The following INTS8 variants were observed in gnomAD, a reference collection of about 807,000 sequenced individuals.
The protein encoded by INTS8 is integrator complex subunit 8.
INTS8 carries 47 observed loss-of-function variants against 138.9 expected under a neutral mutation model. The observed-to-expected ratio is 0.34, with a 90% CI of 0.27 to 0.43. INTS8 has a LOEUF of 0.43. Among genes scored for constraint, INTS8 ranks in the 20% least tolerant of loss-of-function variants. The pLI, the probability that INTS8 is intolerant of heterozygous loss-of-function variation, is 1.00. For missense variants in INTS8, 996 were observed against 1,173.0 expected (o/e 0.85, Z 2.20); for synonymous variants, 392 against 400.9 (o/e 0.98, Z 0.27).
intron 6 of INTS8, among the ~76,000 whole-genome samples, chr8:94,833,828 A>G (rs1047299615): frequency 6.6e-6 from 1 of 152,072 alleles, no homozygotes; most frequent in Admixed American, 6.6e-5. Flanking sequence ...CTAGAGTGCA[A>G]TGTCGTGATC....
intron 10 of INTS8, among the ~76,000 whole-genome samples, chr8:94,843,863 A>G (rs993627160): frequency 3.3e-5 from 5 of 152,178 alleles, no homozygotes; most frequent in African/African-American, 4.8e-5. Flanking sequence ...CATCCTTGTT[A>G]ACATTTGATA....
intron 20 of INTS8, among the ~76,000 whole-genome samples, chr8:94,870,057 ATT>A (rs1166794551): frequency 2.0e-5 from 3 of 147,368 alleles, no homozygotes. Context: ...TTATTTATTT[ATT>A]TTTTTTTTTT....
chr8:94,849,897 A>G lies in INTS8; in HGVS notation c.1332-19A>G, dbSNP rs768708741. The G allele has an allele frequency of 4.5e-6, 7 of 1,552,784 alleles. No homozygotes were observed. Among genetic ancestry groups the G allele is most frequent in the Non-Finnish European group, 5.2e-6 (6 of 1,150,376 alleles). On this transcript the variant is annotated intron_variant, in intron 11 of 26. Transcript: ENST00000523731. ...AAATTATACACTTTTTTGTTTTACAATATTTCTTACTGATCTAGGAATGTG... is the reference window on the plus strand; with the variant it reads ...AAATTATACACTTTTTTGTTTTACAGTATTTCTTACTGATCTAGGAATGTG...
rs538672061 is a variant in INTS8, at chr8:94,823,593, A to G, written c.130+32A>G. ...GCGGCGCCTGCACCTGGGGAGCGGGACCCGGCCACCGGCGCTGTCCGCCCA... is the reference window on the plus strand; with the variant it reads ...GCGGCGCCTGCACCTGGGGAGCGGGGCCCGGCCACCGGCGCTGTCCGCCCA... On this transcript the variant is annotated intron_variant, in intron 1 of 26. Coordinates refer to ENST00000523731, the MANE Select transcript of INTS8 (RefSeq NM_017864.4). 2.6e-5 allele frequency: 39 copies of G among 1,484,554 alleles called. 1 individual carries two copies. The East Asian group carries it at 8.1e-4, about 31-fold the overall frequency. 92.0% of individuals were successfully genotyped at this position (1,484,554 alleles called of 1,614,324 possible). A position where few individuals can be genotyped will look rare whatever the true frequency, so the allele number is the denominator to read the frequency against.
Position 94,851,544 on chromosome 8 carries a change from T to C in INTS8, c.1508-9T>C. ...GAATTAAATCATTGAAATATAAATCTTTTTTTAGCTTCAGCAAGTGTCAAC... is the reference window on the plus strand; with the variant it reads ...GAATTAAATCATTGAAATATAAATCCTTTTTTAGCTTCAGCAAGTGTCAAC... On this transcript the variant is annotated splice_polypyrimidine_tract_variant and intron_variant, in intron 12 of 26. Coordinates refer to ENST00000523731, the MANE Select transcript of INTS8 (RefSeq NM_017864.4). 2 of 1,539,878 alleles carry C rather than the reference T, an allele frequency of 1.3e-6. No individual in the cohort carries two copies. The highest frequency in any genetic ancestry group is 1.8e-6 in the Non-Finnish European group (2 of 1,142,090).
Position 94,828,966 on chromosome 8 carries a change from C to T in INTS8, c.519-9C>T. 6.3e-7 allele frequency: 1 copy of T among 1,577,768 alleles called. No homozygotes were observed. Among genetic ancestry groups the T allele is most frequent in the African/African-American group, 1.4e-5 (1 of 73,760 alleles). ...TTGATACTTTTGTTTTCAATTGTTT[C>T]TCTTTTAGTATGAATCAAATGCAAC... On this transcript the variant is annotated splice_polypyrimidine_tract_variant and intron_variant, in intron 4 of 26. Coordinates refer to ENST00000523731, the MANE Select transcript of INTS8 (RefSeq NM_017864.4).
At chr8:94,827,853 T>A (rs1363903560) in intron 4 of INTS8, 60 bp downstream of exon 4, 2 of 1,341,504 alleles carry the variant, frequency 1.5e-6, no homozygotes, top group Non-Finnish European at 2.1e-6. Flanking sequence ...TAAAAATGTT[T>A]GCAAGTTTTT....
At position 94,871,917 on chromosome 8, in the gene INTS8, C is replaced by G; in HGVS notation, c.2448C>G (p.Ile816Met). The G allele has an allele frequency of 1.9e-6, 3 of 1,606,452 alleles. No individual in the cohort carries two copies. Among genetic ancestry groups the G allele is most frequent in the Non-Finnish European group, 1.7e-6 (2 of 1,173,818 alleles). Residue 816 changes from isoleucine to methionine, a missense_variant, in exon 21 of 27, where the codon ATC (isoleucine) becomes ATG (methionine). Physicochemically the swap from Ile to Met is conservative, Grantham distance 10 (BLOSUM62 1). Transcript: ENST00000523731. Reference sequence around the variant, plus strand: ...CTGTGGACTTTGAAGCTGTGGCAATCACAGTGAAAGAGCTAGTTCGATATA... The same window carrying G: ...CTGTGGACTTTGAAGCTGTGGCAATGACAGTGAAAGAGCTAGTTCGATATA... ...LQSVDFEAVA[I>M]TVKELVRYTL...
intron 14 of INTS8, among the ~76,000 whole-genome samples, chr8:94,854,994 C>T (rs1381085590): frequency 1.3e-5 from 2 of 151,236 alleles, no homozygotes; most frequent in African/African-American, 4.9e-5. Context: ...AATCCTTCCA[C>T]ATCAGCCTCC....
At chr8:94,849,768 G>T in intron 11 of INTS8, 148 bp from the exon 12 acceptor site, 1 of 612,222 alleles carries the variant, frequency 1.6e-6, no homozygotes. Context: ...AGGACCAAAG[G>T]GAAATTTTAA....
intron 5 of INTS8, 103 bp from the exon 6 acceptor site, chr8:94,831,889 T>G (rs780829660): frequency 6.4e-5 from 54 of 843,580 alleles, no homozygotes; most frequent in Middle Eastern, 3.6e-4. Flanking sequence ...AAAAATTTTT[T>G]TAATAGCTTA....
intron 13 of INTS8, among the ~76,000 whole-genome samples, chr8:94,852,417 CAAATAA>C (rs1327624393): frequency 2.0e-5 from 3 of 151,990 alleles, no homozygotes; most frequent in Non-Finnish European, 4.4e-5. Flanking sequence ...ATAGAAAGTG[CAAATAA>C]AAATAGCTTT....
intron 3 of INTS8, 94 bp from the exon 4 acceptor site, chr8:94,827,628 C>T (rs112990773): frequency 1.2e-5 from 13 of 1,118,386 alleles, no homozygotes; most frequent in African/African-American, 1.1e-4. Flanking sequence ...ATTAATGCTT[C>T]ATATAATTTA....
intron 14 of INTS8, 127 bp from the exon 15 acceptor site, chr8:94,856,650 A>T: frequency 1.4e-6 from 1 of 717,312 alleles, no homozygotes. Context: ...ATCTAGCCTT[A>T]CTGCCTGAGA....
chr8:94,858,790 G>T (rs1472920059), intron 15 of INTS8, among the ~76,000 whole-genome samples: 1 of 152,198 alleles, frequency 6.6e-6, no homozygotes, highest in Admixed American at 6.5e-5. Context: ...ATGGGTGAAA[G>T]TTCCTTTAAA....
chr8:94,860,816 G>A (rs979407025), intron 16 of INTS8, among the ~76,000 whole-genome samples: 1 of 151,960 alleles, frequency 6.6e-6, no homozygotes, highest in Non-Finnish European at 1.5e-5. Context: ...AGCACTTTGG[G>A]AGGCCGAGAC....
intron 6 of INTS8, 53 bp from the exon 7 acceptor site, chr8:94,836,471 C>T: frequency 2.9e-6 from 4 of 1,395,434 alleles, no homozygotes; most frequent in African/African-American, 1.4e-5. Context: ...GTTCTGTCAC[C>T]TCTTAAGTAC....
intron 14 of INTS8, among the ~76,000 whole-genome samples, chr8:94,856,350 A>G (rs1815744885): frequency 6.6e-6 from 1 of 152,150 alleles, no homozygotes; most frequent in Non-Finnish European, 1.5e-5. Context: ...TAGCTGATTT[A>G]TTTCATTTTA....
chr8:94,833,282 A>T (rs1814795231), intron 6 of INTS8, among the ~76,000 whole-genome samples: 1 of 152,098 alleles, frequency 6.6e-6, no homozygotes, highest in Admixed American at 6.6e-5. Flanking sequence ...CCAGAGCTGA[A>T]GGTAATCATT....
Sources: gnomAD v4.1 joint callset for allele counts (sites outside exome capture counted in the v4.1 genomes callset) on GRCh38, gnomAD v4.1.1 for gene constraint, MANE v1.5 for transcripts, NCBI Gene and HGNC (gene_info 2026-07-23, HGNC 2026-07-21) for gene names.